Variants in KPNA7 observed in about 807,000 individuals in gnomAD.
KPNA7 encodes importin subunit alpha-8.
In KPNA7, 54 loss-of-function variants were observed where a neutral mutation model predicts 53.7. The observed-to-expected ratio is 1.01, with a 90% CI of 0.81 to 1.26. KPNA7 has a LOEUF of 1.26. Ranked by LOEUF, KPNA7 falls within the 50% of genes most tolerant of loss-of-function variation. KPNA7 has a pLI of 0.00. For synonymous variants in KPNA7, 276 were observed against 259.3 expected, an observed-to-expected ratio of 1.06 and a Z score of -0.62; for missense variants, 640 against 644.5, an observed-to-expected ratio of 0.99 and a Z score of 0.07.
the KPNA7 span, among the ~76,000 whole-genome samples, chr7:99,159,559 G>A: frequency 6.6e-6 from 1 of 151,902 alleles, no homozygotes; most frequent in African/African-American, 2.4e-5. Context: ...TGATCACATT[G>A]CCAATTCCAC....
intron 1 of KPNA7, 41 bp from the exon 2 acceptor site, chr7:99,207,530 T>C (rs1790877413): frequency 9.5e-7 from 1 of 1,054,576 alleles, no homozygotes; most frequent in East Asian, 2.8e-5. Context: ...CAGTGCCCAT[T>C]GTGTGGGTTA....
chr7:99,192,106 A>G (rs1789987748), intron 6 of KPNA7, among the ~76,000 whole-genome samples: 1 of 152,206 alleles, frequency 6.6e-6, no homozygotes, highest in Non-Finnish European at 1.5e-5. Context: ...CCATGAACAG[A>G]ACTGGTGAGA....
At chr7:99,216,336 G>A (rs1450637762) in intron 1 of KPNA7, among the ~76,000 whole-genome samples, 1 of 152,104 alleles carries the variant, frequency 6.6e-6, no homozygotes, top group African/African-American at 2.4e-5. Flanking sequence ...GCCCAAGTCA[G>A]TACCTTTGTT....
downstream of KPNA7, among the ~76,000 whole-genome samples, chr7:99,171,753 C>T (rs1798775704): frequency 6.6e-6 from 1 of 152,094 alleles, no homozygotes. Flanking sequence ...AAGACCTTGT[C>T]CCTAAAATAA....
At chr7:99,146,490 G>C in the KPNA7 span, among the ~76,000 whole-genome samples, 1 of 152,012 alleles carries the variant, frequency 6.6e-6, no homozygotes. Context: ...GAGGTGGGGG[G>C]ATTACCTGCG....
intron 2 of KPNA7, among the ~76,000 whole-genome samples, chr7:99,204,720 T>C (rs12705039): frequency 0.08 from 12,042 of 150,828 alleles, 510 homozygotes; most frequent in South Asian, 0.15. Flanking sequence ...TACAAAGAAA[T>C]AAAAAATTAG....
the KPNA7 span, among the ~76,000 whole-genome samples, chr7:99,147,402 G>T: frequency 6.6e-6 from 1 of 152,198 alleles, no homozygotes; most frequent in Admixed American, 6.5e-5. Flanking sequence ...CTGCACAAAG[G>T]CATGAACGTG....
upstream of KPNA7, among the ~76,000 whole-genome samples, chr7:99,211,337 G>A (rs376754550): frequency 2.0e-3 from 301 of 152,264 alleles, 3 homozygotes; most frequent in Non-Finnish European, 3.8e-3. Context: ...CAGGAGAATC[G>A]CTTGAATCTG....
chr7:99,190,235 G>A (rs543678213), intron 6 of KPNA7, among the ~76,000 whole-genome samples: 3 of 151,726 alleles, frequency 2.0e-5, no homozygotes, highest in South Asian at 2.1e-4. Flanking sequence ...TACTCGGGAG[G>A]CTGAAGCAGA....
At chr7:99,179,291 C>T (rs148184653) in intron 9 of KPNA7, among the ~76,000 whole-genome samples, 2 of 152,072 alleles carry the variant, frequency 1.3e-5, no homozygotes, top group African/African-American at 4.8e-5. Flanking sequence ...ACACAGTGGC[C>T]CATTCCTGTA....
intron 3 of KPNA7, among the ~76,000 whole-genome samples, chr7:99,202,145 G>C (rs757977113): frequency 2.8e-4 from 42 of 152,180 alleles, no homozygotes; most frequent in Non-Finnish European, 4.9e-4. Flanking sequence ...TGATGAATGG[G>C]AACACATCAT....
chr7:99,166,187 T>C, the KPNA7 span, among the ~76,000 whole-genome samples: 58 of 152,282 alleles, frequency 3.8e-4, no homozygotes, highest in Non-Finnish European at 6.3e-4. Flanking sequence ...CAGGTATTTA[T>C]TTATAGCAAT....
chr7:99,173,655 A>T lies in KPNA7; in HGVS notation c.*53T>A. The stretch of plus-strand genomic sequence containing the variant: ...CTAAGATAGAGGACTGCTGCTTCTT[A>T]AAGAAGTTATCCTTTAGCACTGGGT... On this transcript the variant is annotated 3_prime_UTR_variant, in exon 11 of 11. Transcript: ENST00000327442. The T allele has an allele frequency of 8.5e-7, 1 of 1,172,458 alleles. No individual in the cohort carries two copies. Among genetic ancestry groups the T allele is most frequent in the Non-Finnish European group, 1.2e-6 (1 of 811,872 alleles). 72.6% of individuals were successfully genotyped at this position (1,172,458 alleles called of 1,614,324 possible). A position where few individuals can be genotyped will look rare whatever the true frequency, so the allele number is the denominator to read the frequency against.
chr7:99,176,525 C>T (rs1798914679), intron 10 of KPNA7, among the ~76,000 whole-genome samples: 1 of 151,926 alleles, frequency 6.6e-6, no homozygotes, highest in African/African-American at 2.4e-5. Flanking sequence ...GGTAGTTCTT[C>T]AAAAATTCAA....
At chr7:99,209,417 C>A (rs1790983413), upstream of KPNA7, among the ~76,000 whole-genome samples, 1 of 152,082 alleles carries the variant, frequency 6.6e-6, no homozygotes, top group Admixed American at 6.6e-5. Context: ...TCTCCCATTG[C>A]CTTATTCCAA....
At chr7:99,181,516 A>AGGGTAGAGGTATTGG (rs937080193) in intron 9 of KPNA7, among the ~76,000 whole-genome samples, 3 of 152,138 alleles carry the variant, frequency 2.0e-5, no homozygotes, top group African/African-American at 7.2e-5. Flanking sequence ...TGGACAGAGG[A>AGGGTAGAGGTATTGG]GGGTAGAGGT....
intron 7 of KPNA7, 105 bp downstream of exon 7, chr7:99,188,195 A>AAAAAAAAAAAAAAAAAG (rs779112006): frequency 1.9e-6 from 1 of 526,412 alleles, no homozygotes; most frequent in African/African-American, 2.1e-5. Context: ...AAAAAAAAAA[A>AAAAAAAAAAAAAAAAAG]AAAGCAAAGA....
In KPNA7 at chr7:99,177,923, A is replaced by G; in HGVS notation, c.1461T>C (p.Gly487=). 2.6e-6 allele frequency: 4 copies of G among 1,551,608 alleles called. No homozygotes were observed. The East Asian group carries it at 9.8e-5, about 38-fold the overall frequency. Residue 487 remains glycine (G), a synonymous_variant, in exon 10 of 11, where the codon GGT becomes GGC. Coordinates refer to ENST00000327442, the MANE Select transcript of KPNA7 (RefSeq NM_001145715.3). ...SALNIIEKHF[G]EEEDESQTLL... ...TCCACGCTCCTAAGTCACTTACCTCACCAAAGTGCTTCTCGATGATGTTCA... is the reference window on the plus strand; with the variant it reads ...TCCACGCTCCTAAGTCACTTACCTCGCCAAAGTGCTTCTCGATGATGTTCA...
the KPNA7 span, among the ~76,000 whole-genome samples, chr7:99,153,448 G>C: frequency 6.6e-6 from 1 of 151,818 alleles, no homozygotes; most frequent in African/African-American, 2.4e-5. Flanking sequence ...TACTCAGGAG[G>C]CTGAGGCAGG....
Sources: allele counts gnomAD v4.1 joint callset (sites outside exome capture counted in the v4.1 genomes callset), GRCh38; gene constraint gnomAD v4.1.1; transcripts MANE v1.5; gene names NCBI Gene and HGNC (gene_info 2026-07-23, HGNC 2026-07-21).